DTNA: variants seen among roughly 807,000 people sequenced by gnomAD.
The protein encoded by DTNA is dystrobrevin alpha.
A neutral mutation model predicts 100.7 loss-of-function variants in DTNA; 43 were observed. The ratio of observed to expected loss-of-function variants is 0.43; its 90% CI spans 0.33 to 0.55. The LOEUF is 0.55. DTNA is among the 20% of genes least tolerant of loss of function. DTNA has a pLI of 0.04. For synonymous variants in DTNA, 349 were observed against 347.9 expected (o/e 1.00, Z -0.04); for missense variants, 798 against 953.9 (o/e 0.84, Z 2.15).
At chr18:34,841,029 C>G (rs571599573) in intron 13 of DTNA, among the ~76,000 whole-genome samples, 180 of 152,136 alleles carry the variant, frequency 1.2e-3, no homozygotes, top group African/African-American at 4.1e-3. Flanking sequence ...AAAACACTTA[C>G]CTCATGCCAA....
chr18:34,832,048 A>G (rs1163530002), intron 11 of DTNA, among the ~76,000 whole-genome samples: 1 of 152,228 alleles, frequency 6.6e-6, no homozygotes, highest in East Asian at 1.9e-4. Context: ...AGTTCAAGCT[A>G]AATTTTAAAT....
intron 3 of DTNA, among the ~76,000 whole-genome samples, chr18:34,781,048 G>C (rs7236971): frequency 0.26 from 39,797 of 152,002 alleles, 5,383 homozygotes; most frequent in African/African-American, 0.32. Flanking sequence ...TCAGAAAGAG[G>C]CTGAGGCCAG....
chr18:34,604,103 C>T (rs976014965), intron 1 of DTNA, among the ~76,000 whole-genome samples: 1 of 152,110 alleles, frequency 6.6e-6, no homozygotes, highest in Non-Finnish European at 1.5e-5. Flanking sequence ...TGTTATACTA[C>T]CAGCAACTCC....
chr18:34,560,053 G>A (rs1222034714), intron 1 of DTNA, among the ~76,000 whole-genome samples: 1 of 151,926 alleles, frequency 6.6e-6, no homozygotes, highest in Non-Finnish European at 1.5e-5. Context: ...TATTTGAAAT[G>A]CCTTCCTTTC....
chr18:34,818,938 A>C (rs1005351576), intron 8 of DTNA, among the ~76,000 whole-genome samples: 4 of 152,142 alleles, frequency 2.6e-5, no homozygotes, highest in African/African-American at 9.7e-5. Context: ...TATTCTCAGG[A>C]GCATGTGGTA....
intron 1 of DTNA, among the ~76,000 whole-genome samples, chr18:34,703,122 G>T (rs1316260365): frequency 6.6e-6 from 1 of 152,166 alleles, no homozygotes; most frequent in Non-Finnish European, 1.5e-5. Flanking sequence ...TCAACCGCAG[G>T]ATTGAATGTG....
At chr18:34,527,597 T>C (rs1003711231) in intron 1 of DTNA, among the ~76,000 whole-genome samples, 8 of 152,122 alleles carry the variant, frequency 5.3e-5, no homozygotes, top group Admixed American at 5.2e-4. Flanking sequence ...GAAGACATTG[T>C]TACTTGTTTA....
intron 10 of DTNA, chr18:34,828,993 G>A (rs1279911354): frequency 1.2e-6 from 2 of 1,608,278 alleles, no homozygotes; most frequent in African/African-American, 2.7e-5. Flanking sequence ...CAAATATCAA[G>A]CAGAGGTAGA....
At chr18:34,867,056 C>A in intron 17 of DTNA, 1 of 1,228,748 alleles carries the variant, frequency 8.1e-7, no homozygotes, top group Admixed American at 4.2e-5. Flanking sequence ...ATTTCAAGTG[C>A]ATGTACCACG....
chr18:34,743,609 C>T (rs114089502), intron 1 of DTNA, among the ~76,000 whole-genome samples: 1,941 of 152,116 alleles, frequency 0.013, 24 homozygotes, highest in African/African-American at 0.044. Context: ...CTCTTATGTT[C>T]TCATTGTAAA....
upstream of DTNA, among the ~76,000 whole-genome samples, chr18:34,710,055 G>C (rs1417860057): frequency 2.6e-5 from 4 of 152,076 alleles, no homozygotes; most frequent in Admixed American, 2.6e-4. Flanking sequence ...AGTTAGTTGG[G>C]AAACCTTTTA....
intron 1 of DTNA, chr18:34,679,583 T>G (rs538147931): frequency 6.6e-6 from 1 of 152,302 alleles, no homozygotes; most frequent in East Asian, 1.9e-4. Context: ...GTCCCTTCAT[T>G]GAATTTTAGG....
chr18:34,879,991 CA>C (rs1328002190), intron 20 of DTNA, among the ~76,000 whole-genome samples: 1 of 152,044 alleles, frequency 6.6e-6, no homozygotes, highest in Non-Finnish European at 1.5e-5. Context: ...TAGTGCTATA[CA>C]AAATAGTATT....
At chr18:34,558,084 A>G (rs2146146540) in intron 1 of DTNA, 1 of 153,736 alleles carries the variant, frequency 6.5e-6, no homozygotes, top group South Asian at 2.0e-4. Flanking sequence ...TGCCGTTTTT[A>G]AAGCTGGTCC....
At chr18:34,514,739 T>G (rs1037084631) in intron 1 of DTNA, among the ~76,000 whole-genome samples, 1 of 152,084 alleles carries the variant, frequency 6.6e-6, no homozygotes, top group Non-Finnish European at 1.5e-5. Context: ...CCTTGCTGTG[T>G]CCTCACATGG....
rs540778194 is a variant in DTNA at position 34,723,013 on chromosome 18, C to A, written c.-2+12568C>A. On this transcript the variant is annotated intron_variant, in intron 1 of 22. Transcript: ENST00000444659. The stretch of plus-strand genomic sequence containing the variant: ...GAACATTCATGTGAAAATGTTTCAA[C>A]AGATACATATTTTCTTTCCTTTTGA... Among the ~76,000 whole-genome samples, 4 of 152,214 alleles carry A rather than the reference C, an allele frequency of 2.6e-5. No homozygotes were observed. The East Asian group carries it at 7.7e-4, about 29-fold the overall frequency.
intron 1 of DTNA, among the ~76,000 whole-genome samples, chr18:34,529,973 CT>C (rs1164320329): frequency 6.6e-6 from 1 of 152,142 alleles, no homozygotes; most frequent in Non-Finnish European, 1.5e-5. Flanking sequence ...CTACCAGGGG[CT>C]TTCCTAGCTT....
At chr18:34,675,994 T>C (rs2077352277) in intron 1 of DTNA, among the ~76,000 whole-genome samples, 1 of 152,220 alleles carries the variant, frequency 6.6e-6, no homozygotes, top group Non-Finnish European at 1.5e-5. Flanking sequence ...TACAGAGTGC[T>C]ATTTATGGTA....
At chr18:34,765,831 G>A in intron 2 of DTNA, 130 bp from the exon 3 acceptor site, 1 of 914,550 alleles carries the variant, frequency 1.1e-6, no homozygotes, top group Non-Finnish European at 1.7e-6. Context: ...AAGTCTTAAA[G>A]TTATATTTAT....
Sources: allele counts gnomAD v4.1 joint callset (sites outside exome capture counted in the v4.1 genomes callset), GRCh38; gene constraint gnomAD v4.1.1; transcripts MANE v1.5; gene names NCBI Gene and HGNC (gene_info 2026-07-23, HGNC 2026-07-21).